Variants in ADGRV1 observed in about 807,000 individuals in gnomAD.
ADGRV1 encodes the protein adhesion G protein-coupled receptor V1.
In ADGRV1, 359 loss-of-function variants were observed where a neutral mutation model predicts 596.2. The ratio of observed to expected loss-of-function variants is 0.60; its 90% CI spans 0.55 to 0.66. The LOEUF (loss-of-function observed/expected upper bound fraction) is 0.66. Ranked by LOEUF, ADGRV1 falls within the 30% of genes least tolerant of loss-of-function variation. The pLI is 0.00. For synonymous variants in ADGRV1, 2,681 were observed against 2,679.2 expected, an observed-to-expected ratio of 1.00 and a Z score of -0.02; for missense variants, 7,274 against 7,575.6, an observed-to-expected ratio of 0.96 and a Z score of 1.48.
At chr5:90,597,376 TAGTA>T (rs1760826945) in intron 1 of ADGRV1, among the ~76,000 whole-genome samples, 2 of 152,260 alleles carry the variant, frequency 1.3e-5, no homozygotes, top group Non-Finnish European at 2.9e-5. Flanking sequence ...TTATAGACTT[TAGTA>T]AGTATTTTGA....
chr5:90,714,173 T>G (rs1749771256), intron 42 of ADGRV1, among the ~76,000 whole-genome samples: 1 of 152,124 alleles, frequency 6.6e-6, no homozygotes, highest in Admixed American at 6.5e-5. Flanking sequence ...CTTTAAATTT[T>G]TATATGCCAT....
intron 83 of ADGRV1, among the ~76,000 whole-genome samples, chr5:90,865,948 A>G (rs909727446): frequency 6.6e-6 from 1 of 152,034 alleles, no homozygotes; most frequent in African/African-American, 2.4e-5. Flanking sequence ...TCAATGTTAT[A>G]TTGTCATTTT....
In ADGRV1 at chr5:91,020,589, T is replaced by C. The variant is rs74867494; in HGVS notation, c.18152+35067T>C. Among the ~76,000 whole-genome samples the C allele has an allele frequency of 7.0e-3, 1,062 of 152,100 alleles. 15 individuals carry two copies. Among genetic ancestry groups the C allele is most frequent in the African/African-American group, 0.024 (1,009 of 41,522 alleles). ...TGTCTGTGTTCTTTCAATCACGCCA[T>C]TGCCTGGAATCCATTCCAGCATTTG... On this transcript the variant is annotated intron_variant, in intron 85 of 89. Coordinates refer to ENST00000405460, the MANE Select transcript of ADGRV1 (RefSeq NM_032119.4).
chr5:90,705,341 T>C (rs535334601), intron 36 of ADGRV1, 59 bp from the exon 37 acceptor site: 1 of 1,406,080 alleles, frequency 7.1e-7, no homozygotes, highest in Non-Finnish European at 1.0e-6. Flanking sequence ...TGAGGCTATG[T>C]TTCCAGCGAT....
chr5:90,757,018 C>T lies in ADGRV1; in HGVS notation c.11797C>T (p.Pro3933Ser). The T allele has an allele frequency of 6.2e-7, 1 of 1,613,650 alleles. No individual in the cohort carries two copies. The highest frequency in any genetic ancestry group is 8.5e-7 in the Non-Finnish European group (1 of 1,179,696). The change falls in exon 57 of 90, where the codon CCC (proline) becomes TCC (serine). Residue 3933 changes from proline to serine, a missense_variant. Coordinates refer to ENST00000405460, the MANE Select transcript of ADGRV1 (RefSeq NM_032119.4). The stretch of plus-strand genomic sequence containing the variant: ...TATTACTGCCTATGAGGTGCCTCCA[C>T]CCTTGAACGTTCTTCAAGTTCCTGT... ...EVITAYEVPP[P>S]LNVLQVPVVR...
rs753255281 is a variant in ADGRV1 at position 90,755,056 on chromosome 5, A to T, written c.11451A>T (p.Arg3817Ser). Residue 3817 changes from arginine (R) to serine (S), a missense_variant, in exon 55 of 90, where the codon AGA becomes AGT. Coordinates refer to ENST00000405460, the MANE Select transcript of ADGRV1 (RefSeq NM_032119.4). ...TTGGGGATATTGCCATTCACTTGAG[A>T]GCTCAACCCAATTTCTTACTGCATG... Reference protein sequence around the residue: ...GLLGDIAIHLRAQPNFLLHVD... With the variant: ...GLLGDIAIHLSAQPNFLLHVD... 2 of 1,612,552 alleles carry T rather than the reference A, an allele frequency of 1.2e-6. No individual in the cohort carries two copies. Among genetic ancestry groups the T allele is most frequent in the Non-Finnish European group, 1.7e-6 (2 of 1,178,756 alleles).
intron 1 of ADGRV1, among the ~76,000 whole-genome samples, chr5:90,560,099 A>AT (rs1243718682): frequency 6.6e-6 from 1 of 152,126 alleles, no homozygotes; most frequent in Non-Finnish European, 1.5e-5. Flanking sequence ...ATTAGGTATA[A>AT]TTTTCTGGCT....
chr5:91,120,972 G>A (rs752094969), intron 87 of ADGRV1, among the ~76,000 whole-genome samples: 8 of 152,070 alleles, frequency 5.3e-5, no homozygotes, highest in Non-Finnish European at 1.0e-4. Context: ...TTAGGAGTTC[G>A]AGACCAGCCT....
At chr5:91,011,060 T>C (rs1050669367) in intron 85 of ADGRV1, among the ~76,000 whole-genome samples, 35 of 151,988 alleles carry the variant, frequency 2.3e-4, no homozygotes, top group African/African-American at 8.2e-4. Context: ...CTACTAGCAG[T>C]AGTTTTCTCT....
chr5:90,896,502 TGG>T (rs954409372), intron 83 of ADGRV1, among the ~76,000 whole-genome samples: 11 of 152,034 alleles, frequency 7.2e-5, no homozygotes, highest in Non-Finnish European at 1.6e-4. Flanking sequence ...CTCGAAATCC[TGG>T]GCTCAAGGGA....
chr5:91,026,557 C>T (rs964322341), intron 85 of ADGRV1, among the ~76,000 whole-genome samples: 1 of 152,022 alleles, frequency 6.6e-6, no homozygotes, highest in Non-Finnish European at 1.5e-5. Context: ...ATTGGTACCT[C>T]CTTGGATTTC....
intron 56 of ADGRV1, 105 bp from the exon 57 acceptor site, chr5:90,756,874 T>C: frequency 2.1e-6 from 2 of 960,174 alleles, no homozygotes; most frequent in East Asian, 4.9e-5. Context: ...ATTTCTACTT[T>C]AAAGGGTGAA....
At position 90,755,103 on chromosome 5, in the gene ADGRV1, A is replaced by G; in HGVS notation, c.11498A>G (p.Asn3833Ser). 1.9e-6 allele frequency: 3 copies of G among 1,610,984 alleles called. No individual in the cohort carries two copies. In the East Asian group the frequency reaches 6.7e-5, roughly 36 times the overall value. ...CATGTCGATAATCAAGCTACTGAGA[A>G]TGAAGATTATGTATTGCAAGAAACA... ...LLHVDNQATE[N>S]EDYVLQETII... Residue 3833 changes from asparagine (N) to serine (S), a missense_variant, in exon 55 of 90, where the codon AAT (asparagine) becomes AGT (serine). Physicochemically the swap from Asn to Ser is conservative, Grantham distance 46 (BLOSUM62 1). This residue lies in a region of ADGRV1 where 3,643 missense variants were observed against 3,809.2 expected (regional missense o/e 0.96). Transcript: ENST00000405460.
Position 90,627,509 on chromosome 5 carries a change from A to G in ADGRV1, c.971A>G (p.Asp324Gly). ...GCCCAGCAAAATCTGGACTTCATTG[A>G]TCTTCAGCCAAACACAACTGTTGTT... ...AHAQQNLDFI[D>G]LQPNTTVVFP... Residue 324 changes from aspartate to glycine, a missense_variant, in exon 7 of 90, where the codon GAT becomes GGT. By Grantham distance (94) the Asp-to-Gly change is moderately conservative. Coordinates refer to ENST00000405460, the MANE Select transcript of ADGRV1 (RefSeq NM_032119.4). The G allele has an allele frequency of 6.2e-7, 1 of 1,613,970 alleles. No homozygotes were observed. The highest frequency in any genetic ancestry group is 8.5e-7 in the Non-Finnish European group (1 of 1,179,854).
chr5:91,042,897 C>G (rs1055329980), intron 85 of ADGRV1, among the ~76,000 whole-genome samples: 3 of 152,056 alleles, frequency 2.0e-5, no homozygotes, highest in African/African-American at 7.2e-5. Flanking sequence ...GGCTTCAACT[C>G]TTTATTGAGA....
chr5:91,040,540 C>A lies in ADGRV1; in HGVS notation c.18153-31907C>A, dbSNP rs56072107. 7.2e-3 allele frequency among the ~76,000 whole-genome samples: 1,093 copies of A among 152,264 alleles called. 19 individuals carry two copies. Among genetic ancestry groups the A allele is most frequent in the African/African-American group, 0.024 (1,004 of 41,558 alleles). On this transcript the variant is annotated intron_variant, in intron 85 of 89. Coordinates refer to ENST00000405460, the MANE Select transcript of ADGRV1 (RefSeq NM_032119.4). ...GTTGTTAATTATATATGTTTGGAAT[C>A]TGCTTTATGGATCTGCTTAACAAAT... is the stretch of plus-strand genomic sequence containing the variant.
At chr5:90,960,996 T>C (rs551423255) in intron 83 of ADGRV1, among the ~76,000 whole-genome samples, 1 of 152,314 alleles carries the variant, frequency 6.6e-6, no homozygotes, top group African/African-American at 2.4e-5. Context: ...ATTCTCCTAA[T>C]ATTTTGCTCC....
chr5:91,131,266 C>T (rs1340737528), intron 87 of ADGRV1, among the ~76,000 whole-genome samples: 1 of 152,146 alleles, frequency 6.6e-6, no homozygotes, highest in East Asian at 1.9e-4. Flanking sequence ...TTCTCTACAA[C>T]CTTACCAACA....
chr5:90,799,331 C>T (rs1761101408), intron 70 of ADGRV1, among the ~76,000 whole-genome samples: 1 of 152,120 alleles, frequency 6.6e-6, no homozygotes, highest in Admixed American at 6.5e-5. Flanking sequence ...TTCCCAATTG[C>T]TACTAAGAGA....
Sources: allele counts gnomAD v4.1 joint callset (sites outside exome capture counted in the v4.1 genomes callset), GRCh38; gene constraint gnomAD v4.1.1; regional missense constraint gnomAD v4.1.1; transcripts MANE v1.5; gene names NCBI Gene and HGNC (gene_info 2026-07-23, HGNC 2026-07-21).